Variants in PEX3 observed in about 807,000 individuals in gnomAD.
The protein encoded by PEX3 is peroxisomal biogenesis factor 3.
Under a neutral mutation model 55.8 loss-of-function variants are expected in PEX3, and 30 were observed. That is an observed-to-expected ratio of 0.54 (90% confidence interval 0.40 to 0.73). The LOEUF is 0.73. Among genes scored for constraint, PEX3 ranks in the 30% least tolerant of loss-of-function variants. PEX3 has a pLI of 0.00. For missense variants in PEX3, 351 were observed against 432.8 expected, an observed-to-expected ratio of 0.81 and a Z score of 1.68; for synonymous variants, 135 against 148.4, an observed-to-expected ratio of 0.91 and a Z score of 0.66.
rs1780065436 is a variant in PEX3, at chr6:143,470,961, G to T, written c.332G>T (p.Ser111Ile). ...LEIWEDLKIISFTRSTVAVYS... is the reference protein window; with the variant it reads ...LEIWEDLKIIIFTRSTVAVYS... ...AAATGCTTTTCTTTTCTCTGTGAAG[G>T]TTTCACAAGAAGTACTGTGGCTGTA... Residue 111 changes from serine (S) to isoleucine (I), a missense_variant and splice_region_variant, in exon 5 of 12, where the codon AGT becomes ATT. Transcript: ENST00000367591. 3 of 1,612,122 alleles carry T rather than the reference G, an allele frequency of 1.9e-6. No homozygotes were observed. Among genetic ancestry groups the T allele is most frequent in the Non-Finnish European group, 2.5e-6 (3 of 1,178,600 alleles).
intron 1 of PEX3, among the ~76,000 whole-genome samples, chr6:143,456,108 A>G (rs1779842092): frequency 6.6e-6 from 1 of 152,234 alleles, no homozygotes; most frequent in Admixed American, 6.5e-5. Flanking sequence ...GTTAATACAT[A>G]AAGTCATAGC....
chr6:143,487,325 G>C lies in PEX3; in HGVS notation c.1039-1818G>C, dbSNP rs969579389. Among the ~76,000 whole-genome samples the C allele has an allele frequency of 6.6e-6, 1 of 152,116 alleles. No homozygotes were observed. Among genetic ancestry groups the C allele is most frequent in the African/African-American group, 2.4e-5 (1 of 41,422 alleles). On this transcript the variant is annotated intron_variant, in intron 11 of 11. Transcript: ENST00000367591. This position sits in a 1 kb window ranked among gnomAD's most constrained non-coding sequence, Gnocchi z 5.3. Reference sequence around the variant, plus strand: ...AGCTATGACCTATGAGCCAAATCCAGCCAAGCACCAGCTTTTGTAAGTTTT... The same window carrying C: ...AGCTATGACCTATGAGCCAAATCCACCCAAGCACCAGCTTTTGTAAGTTTT...
At position 143,471,295 on chromosome 6, in the gene PEX3, A is replaced by G. The variant is rs1475377384; in HGVS notation, c.457-88A>G. On this transcript the variant is annotated intron_variant, in intron 5 of 11. Transcript: ENST00000367591. This position sits in a 1 kb window ranked among gnomAD's most constrained non-coding sequence, Gnocchi z 5.4. Reference sequence around the variant, plus strand: ...ATTTTTCCCGTCATTTCAGATCTTGAAAAATCTCAGCCAAAGTTTTATTGA... The same window carrying G: ...ATTTTTCCCGTCATTTCAGATCTTGGAAAATCTCAGCCAAAGTTTTATTGA... 7 of 1,200,134 alleles carry G rather than the reference A, an allele frequency of 5.8e-6. No homozygotes were observed. Among genetic ancestry groups the G allele is most frequent in the Non-Finnish European group, 8.6e-6 (7 of 813,400 alleles). 74.3% of individuals were successfully genotyped at this position (1,200,134 alleles called of 1,614,324 possible).
Position 143,451,178 on chromosome 6 carries a change from T to C in PEX3, c.73+63T>C. 1.8e-6 allele frequency: 2 copies of C among 1,135,076 alleles called. No homozygotes were observed. The highest frequency in any genetic ancestry group is 2.7e-6 in the Non-Finnish European group (2 of 744,430). 70.3% of individuals were successfully genotyped at this position (1,135,076 alleles called of 1,614,324 possible). On this transcript the variant is annotated intron_variant, in intron 1 of 11. Transcript: ENST00000367591. The surrounding 1 kb of genome is among the most constrained non-coding windows in gnomAD (Gnocchi z 4.1). ...AGGGGGTGGGAGAGGTGACTTCTTC[T>C]AAAATAAGGACAGGCCGGGCGATCC... is the stretch of plus-strand genomic sequence containing the variant.
Position 143,490,612 on chromosome 6 carries a change from C to A in PEX3, c.*1386C>A. On this transcript the variant is annotated 3_prime_UTR_variant, in exon 12 of 12. Transcript: ENST00000367591. This position sits in a 1 kb window ranked among gnomAD's most constrained non-coding sequence, Gnocchi z 6.0. ...GGCTTAATAAAACCTGATTTGAAAA[C>A]AAAATCTGAGAATGGATTGGAATTT... The A allele has an allele frequency of 8.5e-7, 1 of 1,179,376 alleles. No homozygotes were observed. Among genetic ancestry groups the A allele is most frequent in the Non-Finnish European group, 1.1e-6 (1 of 873,774 alleles). The allele number at this position is 1,179,376 out of a possible 1,614,324, so 73.1% of individuals were successfully genotyped here. A position where few individuals can be genotyped will look rare whatever the true frequency, so the allele number is the denominator to read the frequency against.
In PEX3 at chr6:143,453,438, T is replaced by A. The variant is rs769263256; in HGVS notation, c.73+2323T>A. On this transcript the variant is annotated intron_variant, in intron 1 of 11. Transcript: ENST00000367591. The surrounding 1 kb of genome is among the most constrained non-coding windows in gnomAD (Gnocchi z 4.6). ...CTCAGATTTTGGGTGGGTAACTAATTGGTTTACGCGTTTGTATAATTTGAC... is the reference window on the plus strand; with the variant it reads ...CTCAGATTTTGGGTGGGTAACTAATAGGTTTACGCGTTTGTATAATTTGAC... Among the ~76,000 whole-genome samples the A allele has an allele frequency of 4.6e-5, 7 of 152,122 alleles. No homozygotes were observed. The highest frequency in any genetic ancestry group is 1.3e-4 in the Admixed American group (2 of 15,264).
At position 143,459,195 on chromosome 6, in the gene PEX3, C is replaced by T; in HGVS notation, c.184C>T (p.Gln62Ter). The T allele has an allele frequency of 6.2e-7, 1 of 1,612,426 alleles. No homozygotes were observed. Among genetic ancestry groups the T allele is most frequent in the Non-Finnish European group, 8.5e-7 (1 of 1,178,748 alleles). The change falls in exon 2 of 12, where the codon CAG (glutamine) becomes TAG (stop). Residue 62 changes from glutamine (Q) to a stop codon, truncating the protein, a stop_gained. Transcript: ENST00000367591. LOFTEE classifies it high-confidence loss of function. This position sits in a 1 kb window ranked among gnomAD's most constrained non-coding sequence, Gnocchi z 4.2. ...ARRQYHFESN[Q>*]RTCNMTVLSM... The stretch of plus-strand genomic sequence containing the variant: ...ACGACAATATCATTTTGAAAGTAAC[C>T]AGAGGACTTGCAATATGACAGGTAA...
chr6:143,473,726 G>C (rs547827835), intron 8 of PEX3, among the ~76,000 whole-genome samples: 5 of 152,162 alleles, frequency 3.3e-5, no homozygotes, highest in African/African-American at 1.2e-4. Context: ...AAATCAGTCA[G>C]ATGGGCATAG....
In PEX3 at chr6:143,485,279, A is replaced by C. The variant is rs1474938570; in HGVS notation, c.1038+31A>C. ...AAGAAAGCTTGGGAGTGTTATTAAA[A>C]GCAAATTATATTTGTGGTGGTGGTC... On this transcript the variant is annotated intron_variant, in intron 11 of 11. Transcript: ENST00000367591. This position sits in a 1 kb window ranked among gnomAD's most constrained non-coding sequence, Gnocchi z 5.6. 1 of 1,151,936 alleles carries C rather than the reference A, an allele frequency of 8.7e-7. No individual in the cohort carries two copies. The allele number at this position is 1,151,936 out of a possible 1,614,324, so 71.4% of individuals were successfully genotyped here.
At chr6:143,460,813 G>GACATCAC (rs1335082426) in intron 2 of PEX3, among the ~76,000 whole-genome samples, 5 of 144,466 alleles carry the variant, frequency 3.5e-5, no homozygotes, top group African/African-American at 1.3e-4. Context: ...GCGGTGAGCT[G>GACATCAC]ACATCACACC....
In PEX3 at chr6:143,459,313, A is replaced by C. The variant is rs781584381; in HGVS notation, c.205+97A>C. On this transcript the variant is annotated intron_variant, in intron 2 of 11. Transcript: ENST00000367591. This position sits in a 1 kb window ranked among gnomAD's most constrained non-coding sequence, Gnocchi z 4.2. ...CAAATTTAGAGGAAAAGGCAAAGAA[A>C]AGATGGTAAATCTAGCAAGTGTTTG... 3 of 1,022,298 alleles carry C rather than the reference A, an allele frequency of 2.9e-6. No homozygotes were observed. Among genetic ancestry groups the C allele is most frequent in the Non-Finnish European group, 4.6e-6 (3 of 647,808 alleles). 63.3% of individuals were successfully genotyped at this position (1,022,298 alleles called of 1,614,324 possible). A position where few individuals can be genotyped will look rare whatever the true frequency, so the allele number is the denominator to read the frequency against.
In PEX3 at chr6:143,486,818, C is replaced by T. The variant is rs1392327793; in HGVS notation, c.1038+1570C>T. On this transcript the variant is annotated intron_variant, in intron 11 of 11. Transcript: ENST00000367591. This position sits in a 1 kb window ranked among gnomAD's most constrained non-coding sequence, Gnocchi z 5.0. Reference sequence around the variant, plus strand: ...TAGAACAGGGGTTTGGCAAACTGTACAGGGCCAGATAGTACATACTTTAGG... The same window carrying T: ...TAGAACAGGGGTTTGGCAAACTGTATAGGGCCAGATAGTACATACTTTAGG... Among the ~76,000 whole-genome samples the T allele has an allele frequency of 6.6e-6, 1 of 152,158 alleles. No individual in the cohort carries two copies. Among genetic ancestry groups the T allele is most frequent in the African/African-American group, 2.4e-5 (1 of 41,448 alleles).
chr6:143,487,950 G>C lies in PEX3; in HGVS notation c.1039-1193G>C, dbSNP rs1780341877. On this transcript the variant is annotated intron_variant, in intron 11 of 11. Coordinates refer to ENST00000367591, the MANE Select transcript of PEX3 (RefSeq NM_003630.3). The surrounding 1 kb of genome is among the most constrained non-coding windows in gnomAD (Gnocchi z 5.3). ...TATATTTTATCTTCTCAATAATCAA[G>C]AGCGTGTTTGAGTTTTCTTTACATT... 6.6e-6 allele frequency among the ~76,000 whole-genome samples: 1 copy of C among 152,000 alleles called. No homozygotes were observed. The highest frequency in any genetic ancestry group is 1.5e-5 in the Non-Finnish European group (1 of 67,986).
intron 1 of PEX3, among the ~76,000 whole-genome samples, chr6:143,455,660 T>G (rs1024083736): frequency 1.3e-5 from 2 of 152,062 alleles, no homozygotes; most frequent in Non-Finnish European, 2.9e-5. Flanking sequence ...GATATGAGAT[T>G]TATGTTTTAG....
At chr6:143,452,485 G>A (rs971759512) in intron 1 of PEX3, among the ~76,000 whole-genome samples, 1 of 152,150 alleles carries the variant, frequency 6.6e-6, no homozygotes, top group Non-Finnish European at 1.5e-5. Context: ...AGCGATCTCA[G>A]AAGGAATACT....
chr6:143,472,208 AAAAG>A lies in PEX3; in HGVS notation c.631_634del (p.Glu211SerfsTer27). 1 of 1,610,204 alleles carries A rather than the reference AAAAG, an allele frequency of 6.2e-7. No homozygotes were observed. The highest frequency in any genetic ancestry group is 8.5e-7 in the Non-Finnish European group (1 of 1,176,632). ...CCCTTTTGGACTTGGAGCAAAAACT[AAAAG>A]AAATCAGAAATCTCGTTGAGCAGCA... On this transcript the variant is annotated frameshift_variant, in exon 8 of 12. Transcript: ENST00000367591. LOFTEE classifies it high-confidence loss of function.
At position 143,487,254 on chromosome 6, in the gene PEX3, A is replaced by C. The variant is rs187329921; in HGVS notation, c.1039-1889A>C. Among the ~76,000 whole-genome samples, 7 of 152,314 alleles carry C rather than the reference A, an allele frequency of 4.6e-5. No individual in the cohort carries two copies. The East Asian group carries it at 1.3e-3, about 29-fold the overall frequency. On this transcript the variant is annotated intron_variant, in intron 11 of 11. Coordinates refer to ENST00000367591, the MANE Select transcript of PEX3 (RefSeq NM_003630.3). The surrounding 1 kb of genome is among the most constrained non-coding windows in gnomAD (Gnocchi z 5.3). ...CATCCTAGAAGCTGCATCAGGATAC[A>C]GTATTTGAACAGATTAAAGTCTTTA...
intron 1 of PEX3, among the ~76,000 whole-genome samples, chr6:143,456,164 G>T (rs899623450): frequency 1.3e-5 from 2 of 152,156 alleles, no homozygotes; most frequent in Non-Finnish European, 2.9e-5. Context: ...CTTTCATATT[G>T]AGGATGAAGA....
intron 8 of PEX3, among the ~76,000 whole-genome samples, chr6:143,472,948 G>A (rs773164499): frequency 4.6e-5 from 7 of 152,148 alleles, no homozygotes; most frequent in Non-Finnish European, 8.8e-5. Context: ...TAGTTGTTAC[G>A]TAAGTTATTC....
Sources: gnomAD v4.1 joint callset for allele counts (sites outside exome capture counted in the v4.1 genomes callset) on GRCh38, gnomAD v4.1.1 for gene constraint, Gnocchi (gnomAD v3.1) non-coding constraint, MANE v1.5 for transcripts, NCBI Gene and HGNC (gene_info 2026-07-23, HGNC 2026-07-21) for gene names.